Variants in DNAH6 observed in about 807,000 individuals in gnomAD.
DNAH6 encodes the protein dynein axonemal heavy chain 6.
A neutral mutation model predicts 491.4 loss-of-function variants in DNAH6; 340 were observed. The ratio of observed to expected loss-of-function variants is 0.69; its 90% CI spans 0.63 to 0.76. The LOEUF is 0.76. DNAH6 is among the 30% of genes least tolerant of loss of function. The pLI, the probability that DNAH6 is intolerant of heterozygous loss-of-function variation, is 0.00. For missense variants in DNAH6, 4,443 were observed against 4,972.2 expected (o/e 0.89, Z 3.20); for synonymous variants, 1,603 against 1,686.1 (o/e 0.95, Z 1.21).
chr2:84,649,840 G>A (rs1288629862), intron 33 of DNAH6, among the ~76,000 whole-genome samples: 1 of 152,122 alleles, frequency 6.6e-6, no homozygotes, highest in African/African-American at 2.4e-5. Flanking sequence ...GCTGAAAAAT[G>A]ATGGGTTGAT....
At chr2:84,759,320 C>A (rs1674347728) in intron 63 of DNAH6, among the ~76,000 whole-genome samples, 1 of 151,912 alleles carries the variant, frequency 6.6e-6, no homozygotes. Context: ...CCAGCCTGGG[C>A]AACATGGCAA....
At chr2:84,779,287 G>A (rs946475855) in intron 64 of DNAH6, among the ~76,000 whole-genome samples, 2 of 152,120 alleles carry the variant, frequency 1.3e-5, no homozygotes, top group African/African-American at 4.8e-5. Flanking sequence ...TCTTTTTGTA[G>A]GTCTTGAAGT....
At chr2:84,762,285 G>A (rs1674667342) in intron 63 of DNAH6, among the ~76,000 whole-genome samples, 1 of 152,184 alleles carries the variant, frequency 6.6e-6, no homozygotes, top group Non-Finnish European at 1.5e-5. Context: ...AAATGAAATA[G>A]TGGCTGGAAA....
chr2:84,569,412 G>A (rs1681550171), intron 11 of DNAH6, among the ~76,000 whole-genome samples: 1 of 151,974 alleles, frequency 6.6e-6, no homozygotes, highest in African/African-American at 2.4e-5. Flanking sequence ...GGGTGAGGAT[G>A]GTGGGTAAAA....
At chr2:84,600,214 C>T (rs187474052) in intron 18 of DNAH6, among the ~76,000 whole-genome samples, 6 of 152,130 alleles carry the variant, frequency 3.9e-5, no homozygotes, top group African/African-American at 1.4e-4. Flanking sequence ...TCAGTTTATG[C>T]ATTTTTTAAT....
chr2:84,803,980 G>A (rs1019305143), intron 70 of DNAH6, among the ~76,000 whole-genome samples: 2 of 152,066 alleles, frequency 1.3e-5, no homozygotes, highest in Admixed American at 6.5e-5. Context: ...GCCAAGCCAC[G>A]TGAGTCACTT....
intron 14 of DNAH6, among the ~76,000 whole-genome samples, 161 bp downstream of exon 14, chr2:84,579,840 G>T (rs548730925): frequency 6.6e-6 from 1 of 152,174 alleles, no homozygotes; most frequent in Non-Finnish European, 1.5e-5. Context: ...AATAAAGCCA[G>T]CTGACAGTTA....
At chr2:84,752,817 T>C (rs1673599678) in intron 63 of DNAH6, among the ~76,000 whole-genome samples, 1 of 152,224 alleles carries the variant, frequency 6.6e-6, no homozygotes, top group Non-Finnish European at 1.5e-5. Flanking sequence ...TCTCAGTTGA[T>C]GAACATTTAT....
At position 84,762,799 on chromosome 2, in the gene DNAH6, A is replaced by C; in HGVS notation, c.10557A>C (p.Lys3519Asn). Residue 3519 changes from lysine (K) to asparagine (N), a missense_variant, in exon 64 of 77, where the codon AAA becomes AAC. Physicochemically the swap from Lys to Asn is moderately conservative, Grantham distance 94. Around this residue, in one of 3 missense-constraint regions of DNAH6, gnomAD observed 1,463 missense variants for 1,656.6 expected, o/e 0.88. Coordinates refer to ENST00000389394, the MANE Select transcript of DNAH6 (RefSeq NM_001370.2). ...LTDFVIENLG[K>N]QFIETPPVDL... ...ACTTTGTGATAGAAAATCTTGGAAA[A>C]CAGTTTATAGAGACACCACCTGTGG... 6.4e-7 allele frequency: 1 copy of C among 1,550,908 alleles called. No homozygotes were observed.
chr2:84,638,265 C>T (rs1222160958), intron 31 of DNAH6, among the ~76,000 whole-genome samples: 1 of 152,090 alleles, frequency 6.6e-6, no homozygotes, highest in Non-Finnish European at 1.5e-5. Context: ...CCCACCTCAG[C>T]CTCTGAGTAG....
intron 48 of DNAH6, among the ~76,000 whole-genome samples, chr2:84,700,320 CAGGT>C (rs937877996): frequency 1.3e-5 from 2 of 152,082 alleles, no homozygotes; most frequent in African/African-American, 4.8e-5. Context: ...CCCTGAGTAA[CAGGT>C]AGGGAGGCAG....
chr2:84,574,365 A>C (rs912591938), intron 12 of DNAH6, among the ~76,000 whole-genome samples: 7 of 152,120 alleles, frequency 4.6e-5, no homozygotes, highest in Non-Finnish European at 7.4e-5. Flanking sequence ...ATGCATCTCT[A>C]AAACATGTTT....
chr2:84,567,880 T>A (rs902924102), intron 11 of DNAH6, among the ~76,000 whole-genome samples: 138 of 151,768 alleles, frequency 9.1e-4, no homozygotes, highest in African/African-American at 3.3e-3. Context: ...ATAGGAAAAA[T>A]TTTTGCAATC....
At chr2:84,660,959 AT>A (rs1691443661) in intron 37 of DNAH6, among the ~76,000 whole-genome samples, 1 of 152,158 alleles carries the variant, frequency 6.6e-6, no homozygotes, top group African/African-American at 2.4e-5. Context: ...ACTTGGAAAA[AT>A]ATAGCTATAA....
In DNAH6 at chr2:84,594,047, T is replaced by G. The variant is rs1174525685; in HGVS notation, c.2686T>G (p.Phe896Val). 2.6e-6 allele frequency: 4 copies of G among 1,550,680 alleles called. No individual in the cohort carries two copies. In the South Asian group the frequency reaches 3.6e-5, roughly 14 times the overall value. ...GCTCAAACAATTGCTCTGGGATTCTTTCTCTGAATGGGATAAACTCCAACA... is the reference window on the plus strand; with the variant it reads ...GCTCAAACAATTGCTCTGGGATTCTGTCTCTGAATGGGATAAACTCCAACA... The part of the protein sequence containing the change: ...LKLKQLLWDS[F>V]SEWDKLQQEW... Residue 896 changes from phenylalanine to valine, a missense_variant, in exon 17 of 77, where the codon TTC (phenylalanine) becomes GTC (valine). Physicochemically the swap from Phe to Val is conservative, Grantham distance 50. Around this residue, in one of 3 missense-constraint regions of DNAH6, gnomAD observed 2,977 missense variants for 3,296.6 expected, o/e 0.90. Transcript: ENST00000389394.
Position 84,677,125 on chromosome 2 carries a change from C to G in DNAH6, c.6733C>G (p.Gln2245Glu). Residue 2245 changes from glutamine (Q) to glutamate (E), a missense_variant, in exon 41 of 77, where the codon CAG (glutamine) becomes GAG (glutamate). Gln to Glu is a conservative substitution (Grantham distance 29). Transcript: ENST00000389394. ...LPMPSEHSLK[Q>E]IFQAILNGFL... ...AATGCCCTCAGAGCACAGTCTGAAA[C>G]AGATTTTTCAGGTGAGTGTCGATTT... 1 of 1,551,678 alleles carries G rather than the reference C, an allele frequency of 6.4e-7. No homozygotes were observed.
chr2:84,780,723 A>G (rs2105219972), intron 64 of DNAH6, among the ~76,000 whole-genome samples: 1 of 152,054 alleles, frequency 6.6e-6, no homozygotes, highest in South Asian at 2.1e-4. Flanking sequence ...GCTGATTCCT[A>G]ATTATCCAAG....
intron 62 of DNAH6, among the ~76,000 whole-genome samples, chr2:84,737,293 C>A (rs992885364): frequency 4.0e-5 from 6 of 151,630 alleles, no homozygotes; most frequent in Admixed American, 6.6e-5. Context: ...GTTTTCTTTT[C>A]TTTTTGTGTC....
intron 69 of DNAH6, among the ~76,000 whole-genome samples, chr2:84,796,919 A>G (rs775335336): frequency 2.3e-4 from 35 of 152,226 alleles, no homozygotes; most frequent in Non-Finnish European, 4.7e-4. Flanking sequence ...AAGTTGAGTA[A>G]AAACCAGATC....
Sources: gnomAD v4.1 joint callset for allele counts (sites outside exome capture counted in the v4.1 genomes callset) on GRCh38, gnomAD v4.1.1 for gene constraint, gnomAD v4.1.1 regional missense constraint, MANE v1.5 for transcripts, NCBI Gene and HGNC (gene_info 2026-07-23, HGNC 2026-07-21) for gene names.